MDGA2: variants seen among roughly 807,000 people sequenced by gnomAD.
MDGA2 encodes MAM domain-containing glycosylphosphatidylinositol anchor protein 2.
MDGA2 carries 40 observed loss-of-function variants against 117.8 expected under a neutral mutation model. That is an observed-to-expected ratio of 0.34 (90% CI 0.26 to 0.44). MDGA2 has a LOEUF of 0.44. MDGA2 is among the 20% of genes least tolerant of loss of function. The pLI is 1.00. For missense variants in MDGA2, 1,123 were observed against 1,250.6 expected (o/e 0.90, Z 1.54); for synonymous variants, 452 against 439.0 (o/e 1.03, Z -0.37).
chr14:47,523,777 T>A (rs8011392), intron 1 of MDGA2, among the ~76,000 whole-genome samples: 28,877 of 152,146 alleles, frequency 0.19, 3,447 homozygotes, highest in East Asian at 0.52. Context: ...AACAGAGATA[T>A]CTGTTTTTAT....
At chr14:47,286,017 C>T (rs901823575) in intron 2 of MDGA2, among the ~76,000 whole-genome samples, 1 of 151,304 alleles carries the variant, frequency 6.6e-6, no homozygotes, top group African/African-American at 2.4e-5. Flanking sequence ...GTTTAGGGTC[C>T]TATATTGTGT....
intron 3 of MDGA2, among the ~76,000 whole-genome samples, chr14:47,213,361 C>T (rs1885955637): frequency 6.6e-6 from 1 of 152,082 alleles, no homozygotes; most frequent in African/African-American, 2.4e-5. Flanking sequence ...ACTGTTTGGA[C>T]ATTTTAAAGA....
chr14:47,265,308 C>A (rs890710228), intron 2 of MDGA2, among the ~76,000 whole-genome samples: 4 of 151,974 alleles, frequency 2.6e-5, no homozygotes, highest in South Asian at 2.1e-4. Flanking sequence ...AATTGTAACA[C>A]CGTGTCATTT....
At chr14:47,640,480 T>C (rs1897403951) in intron 1 of MDGA2, among the ~76,000 whole-genome samples, 2 of 152,192 alleles carry the variant, frequency 1.3e-5, no homozygotes, top group African/African-American at 4.8e-5. Context: ...CTTTTAATGG[T>C]AAAATCATCA....
intron 1 of MDGA2, among the ~76,000 whole-genome samples, chr14:47,523,502 C>T (rs1408485721): frequency 6.6e-6 from 1 of 152,080 alleles, no homozygotes. Flanking sequence ...GACAAAGAGA[C>T]TGGAATTCAG....
chr14:47,585,512 CT>C (rs1331663462), intron 1 of MDGA2, among the ~76,000 whole-genome samples: 3 of 151,794 alleles, frequency 2.0e-5, no homozygotes, highest in Non-Finnish European at 2.9e-5. Flanking sequence ...AAACACAGGG[CT>C]TATAAGAAAG....
intron 9 of MDGA2, among the ~76,000 whole-genome samples, chr14:46,936,911 C>T (rs1013904834): frequency 6.6e-6 from 1 of 152,096 alleles, no homozygotes; most frequent in Non-Finnish European, 1.5e-5. Flanking sequence ...TCTTACCACT[C>T]TTATTCAACG....
chr14:47,466,131 G>A (rs1893598917), intron 1 of MDGA2, among the ~76,000 whole-genome samples: 1 of 151,962 alleles, frequency 6.6e-6, no homozygotes, highest in Non-Finnish European at 1.5e-5. Flanking sequence ...GATCTTATAA[G>A]CACAAAAAGG....
chr14:47,569,620 C>T (rs1895982339), intron 1 of MDGA2, among the ~76,000 whole-genome samples: 2 of 152,188 alleles, frequency 1.3e-5, no homozygotes, highest in Admixed American at 6.5e-5. Context: ...GTTCAGTCAA[C>T]AATCAATTAT....
At chr14:47,392,925 T>C (rs956321745) in intron 1 of MDGA2, among the ~76,000 whole-genome samples, 1 of 152,180 alleles carries the variant, frequency 6.6e-6, no homozygotes, top group East Asian at 1.9e-4. Context: ...TCGTTACTTT[T>C]ATTTCTTCAT....
At chr14:47,318,809 A>G (rs12890180) in intron 1 of MDGA2, among the ~76,000 whole-genome samples, 33,549 of 91,642 alleles carry the variant, frequency 0.37, 4,480 homozygotes, top group African/African-American at 0.5. Flanking sequence ...AAGGGAGGAA[A>G]GAAGGAAGGA....
At position 47,327,229 on chromosome 14, in the gene MDGA2, C is replaced by G. The variant is rs10145374; in HGVS notation, c.281-25679G>C. On this transcript the variant is annotated intron_variant, in intron 1 of 16. Coordinates refer to ENST00000399232, the MANE Select transcript of MDGA2 (RefSeq NM_001113498.3). ...TCTTCCTAGAAATCAATCTCTTCCCCCTTTGTTCCATTGGCCTAATCCAAT... is the reference window on the plus strand; with the variant it reads ...TCTTCCTAGAAATCAATCTCTTCCCGCTTTGTTCCATTGGCCTAATCCAAT... Among the ~76,000 whole-genome samples the G allele has an allele frequency of 3.9e-3, 588 of 152,274 alleles. 5 individuals carry two copies. Among genetic ancestry groups the G allele is most frequent in the African/African-American group, 0.014 (564 of 41,558 alleles).
rs139043773 is a variant in MDGA2 at position 47,343,398 on chromosome 14, T to A, written c.281-41848A>T. On this transcript the variant is annotated intron_variant, in intron 1 of 16. Coordinates refer to ENST00000399232, the MANE Select transcript of MDGA2 (RefSeq NM_001113498.3). Reference sequence around the variant, plus strand: ...GAAAAGCCTAACTTTGAACCAAACATAAATATATGTTTGTGTTCTTTGTAT... The same window carrying A: ...GAAAAGCCTAACTTTGAACCAAACAAAAATATATGTTTGTGTTCTTTGTAT... Among the ~76,000 whole-genome samples the A allele has an allele frequency of 2.4e-4, 36 of 152,268 alleles. No homozygotes were observed. In the East Asian group the frequency reaches 7.0e-3, roughly 29 times the overall value.
Position 47,116,446 on chromosome 14 carries a change from T to C in MDGA2, c.925+15268A>G, listed in dbSNP as rs547490058. On this transcript the variant is annotated intron_variant, in intron 5 of 16. Transcript: ENST00000399232. Reference sequence around the variant, plus strand: ...CATATGGAACCACAAAAACCACAAATAGCCAAATCAATCTTGAGGATGGAG... The same window carrying C: ...CATATGGAACCACAAAAACCACAAACAGCCAAATCAATCTTGAGGATGGAG... 1.4e-4 allele frequency among the ~76,000 whole-genome samples: 21 copies of C among 151,974 alleles called. No individual in the cohort carries two copies. In the South Asian group the frequency reaches 3.9e-3, roughly 28 times the overall value.
intron 1 of MDGA2, among the ~76,000 whole-genome samples, chr14:47,383,633 G>C (rs1233886540): frequency 1.3e-5 from 2 of 152,000 alleles, no homozygotes; most frequent in African/African-American, 4.8e-5. Context: ...CCACTTCCTG[G>C]GTTCAAGCGA....
At chr14:46,910,905 A>G (rs1883674022) in intron 10 of MDGA2, among the ~76,000 whole-genome samples, 1 of 152,184 alleles carries the variant, frequency 6.6e-6, no homozygotes, top group African/African-American at 2.4e-5. Flanking sequence ...AGAAAACCAA[A>G]TACAGCATGT....
At chr14:47,354,904 C>T (rs1036810741) in intron 1 of MDGA2, among the ~76,000 whole-genome samples, 1 of 151,878 alleles carries the variant, frequency 6.6e-6, no homozygotes, top group Admixed American at 6.6e-5. Context: ...GTGTGGTGGG[C>T]GAGACATTTC....
chr14:47,395,477 C>T (rs1891988274), intron 1 of MDGA2, among the ~76,000 whole-genome samples: 1 of 151,930 alleles, frequency 6.6e-6, no homozygotes, highest in Admixed American at 6.6e-5. Flanking sequence ...TGGCAAGTGC[C>T]AAACATAACA....
At chr14:47,527,494 T>C (rs1894997470) in intron 1 of MDGA2, among the ~76,000 whole-genome samples, 1 of 152,128 alleles carries the variant, frequency 6.6e-6, no homozygotes, top group Non-Finnish European at 1.5e-5. Flanking sequence ...GTGGAAAGGA[T>C]AATCTGTGAA....
Sources: gnomAD v4.1 joint callset for allele counts (sites outside exome capture counted in the v4.1 genomes callset) on GRCh38, gnomAD v4.1.1 for gene constraint, MANE v1.5 for transcripts, NCBI Gene and HGNC (gene_info 2026-07-23, HGNC 2026-07-21) for gene names.